PCCA: variants seen among roughly 807,000 people sequenced by gnomAD.
The protein encoded by PCCA is propionyl-CoA carboxylase subunit alpha.
PCCA carries 74 observed loss-of-function variants against 101.3 expected under a neutral mutation model. That is an observed-to-expected ratio of 0.73 (90% CI 0.61 to 0.89). PCCA has a LOEUF of 0.89. Ranked by LOEUF, PCCA falls within the 40% of genes least tolerant of loss-of-function variation. The probability of loss-of-function intolerance (pLI) is 0.00; values close to 1 mark genes in which losing one functional copy is unlikely to be tolerated. For synonymous variants in PCCA, 294 were observed against 313.6 expected, an observed-to-expected ratio of 0.94 and a Z score of 0.66; for missense variants, 891 against 907.0, an observed-to-expected ratio of 0.98 and a Z score of 0.23.
At chr13:100,492,037 A>G (rs577931403) in intron 21 of PCCA, among the ~76,000 whole-genome samples, 4 of 152,234 alleles carry the variant, frequency 2.6e-5, no homozygotes, top group Admixed American at 2.0e-4. Flanking sequence ...GAAAAGGTTC[A>G]TCTACTTGGA....
chr13:100,243,542 G>A (rs1181298192), intron 8 of PCCA, among the ~76,000 whole-genome samples: 1 of 152,150 alleles, frequency 6.6e-6, no homozygotes, highest in Non-Finnish European at 1.5e-5. Flanking sequence ...AATAAATTCA[G>A]TATATACTTG....
At chr13:100,348,779 T>TTCCTTCCTTC (rs2072755235) in intron 18 of PCCA, among the ~76,000 whole-genome samples, 246 of 76,014 alleles carry the variant, frequency 3.2e-3, no homozygotes, top group Non-Finnish European at 4.8e-3. Flanking sequence ...TTTCTTTCTT[T>TTCCTTCCTTC]CTTTCTTTCT....
intron 4 of PCCA, among the ~76,000 whole-genome samples, chr13:100,128,088 T>G (rs759797948): frequency 2.6e-5 from 4 of 152,168 alleles, no homozygotes; most frequent in Non-Finnish European, 5.9e-5. Flanking sequence ...AGCACATAAT[T>G]ACATAAGGAT....
chr13:100,112,341 T>C (rs755092828), intron 4 of PCCA, among the ~76,000 whole-genome samples: 2 of 152,106 alleles, frequency 1.3e-5, no homozygotes, highest in Non-Finnish European at 2.9e-5. Flanking sequence ...AAAATTTGAG[T>C]CAAAGATTAA....
At chr13:100,251,260 T>C (rs113592875) in intron 8 of PCCA, among the ~76,000 whole-genome samples, 3,720 of 152,322 alleles carry the variant, frequency 0.024, 170 homozygotes, top group African/African-American at 0.085. Flanking sequence ...GAAGCTCATA[T>C]ACAAAGTTCC....
At chr13:100,328,404 A>AGTG (rs1555421520) in intron 16 of PCCA, among the ~76,000 whole-genome samples, 3 of 144,788 alleles carry the variant, frequency 2.1e-5, no homozygotes, top group Non-Finnish European at 4.5e-5. Context: ...TAATAATAAT[A>AGTG]ATGATGATAA....
chr13:100,440,719 A>C (rs2080309238), intron 20 of PCCA, among the ~76,000 whole-genome samples: 1 of 151,698 alleles, frequency 6.6e-6, no homozygotes, highest in Admixed American at 6.6e-5. Flanking sequence ...TGTACTTTAC[A>C]CATGTGATTT....
intron 21 of PCCA, among the ~76,000 whole-genome samples, chr13:100,495,072 T>C (rs2085180801): frequency 1.3e-5 from 2 of 151,888 alleles, no homozygotes; most frequent in African/African-American, 4.8e-5. Context: ...TTCGGCAATG[T>C]CTGGAGACAT....
Position 100,102,874 on chromosome 13 carries a change from T to G in PCCA, c.106-9T>G, listed in dbSNP as rs776735922. ...ATTTGCAATTTATTTTGCTTTCCTT[T>G]TTTTGTAGCATGTTCTGTACTATTC... On this transcript the variant is annotated splice_polypyrimidine_tract_variant and intron_variant, in intron 1 of 23. Transcript: ENST00000376285. 3.7e-6 allele frequency: 6 copies of G among 1,605,790 alleles called. No individual in the cohort carries two copies. The South Asian group carries it at 6.6e-5, about 18-fold the overall frequency.
chr13:100,123,930 T>C lies in PCCA; in HGVS notation c.300+11869T>C, dbSNP rs184157123. Among the ~76,000 whole-genome samples the C allele has an allele frequency of 4.8e-3, 730 of 152,234 alleles. 6 individuals carry two copies. The highest frequency in any genetic ancestry group is 8.0e-3 in the Non-Finnish European group (546 of 68,018). On this transcript the variant is annotated intron_variant, in intron 4 of 23. Transcript: ENST00000376285. ...GGTATCTCAGAGAAGATAAGAAATATAAGGAATGAGAAATGTTTAATGGCT... is the reference window on the plus strand; with the variant it reads ...GGTATCTCAGAGAAGATAAGAAATACAAGGAATGAGAAATGTTTAATGGCT...
chr13:100,520,562 A>G (rs376518535), intron 22 of PCCA, among the ~76,000 whole-genome samples: 5,041 of 148,332 alleles, frequency 0.034, 106 homozygotes, highest in Middle Eastern at 0.056. Flanking sequence ...GTGAACCCGG[A>G]AGGCGGAGCT....
intron 8 of PCCA, among the ~76,000 whole-genome samples, chr13:100,256,724 A>T (rs2062097664): frequency 6.6e-6 from 1 of 152,130 alleles, no homozygotes; most frequent in Non-Finnish European, 1.5e-5. Context: ...AGGATCCTGT[A>T]AGGGCTCACT....
chr13:100,205,189 A>G (rs1324747298), intron 6 of PCCA, among the ~76,000 whole-genome samples: 3 of 152,216 alleles, frequency 2.0e-5, no homozygotes, highest in Non-Finnish European at 1.5e-5. Context: ...ACAGAAGAGT[A>G]TCGAAGGTTA....
intron 2 of PCCA, among the ~76,000 whole-genome samples, chr13:100,109,789 A>G (rs749680412): frequency 2.0e-5 from 3 of 152,202 alleles, no homozygotes; most frequent in Non-Finnish European, 4.4e-5. Flanking sequence ...ACCAAGACCT[A>G]GCAAGCTTTT....
intron 22 of PCCA, chr13:100,527,320 G>A: frequency 2.1e-6 from 1 of 477,940 alleles, no homozygotes; most frequent in Non-Finnish European, 4.3e-6. Flanking sequence ...TGTCTGTAGA[G>A]ATCTGCCTAT....
At chr13:100,328,374 A>T (rs750572213) in intron 16 of PCCA, among the ~76,000 whole-genome samples, 3 of 13,300 alleles carry the variant, frequency 2.3e-4, no homozygotes, top group African/African-American at 7.6e-4. Flanking sequence ...AAAAATATAT[A>T]ATAATAATAA....
intron 20 of PCCA, among the ~76,000 whole-genome samples, chr13:100,436,032 A>G (rs543100633): frequency 8.1e-5 from 12 of 148,822 alleles, no homozygotes; most frequent in African/African-American, 2.4e-4. Flanking sequence ...AACAAGAGCG[A>G]AACTCTGTCT....
At chr13:100,410,083 T>C (rs1244662834) in intron 19 of PCCA, among the ~76,000 whole-genome samples, 1 of 151,976 alleles carries the variant, frequency 6.6e-6, no homozygotes, top group East Asian at 2.0e-4. Context: ...TGTGATATGA[T>C]TCAACAAACC....
At chr13:100,503,492 C>G (rs188676806) in intron 21 of PCCA, among the ~76,000 whole-genome samples, 98 of 151,888 alleles carry the variant, frequency 6.5e-4, no homozygotes, top group Middle Eastern at 3.4e-3. Flanking sequence ...CTCCATCCCC[C>G]CCCAAAAAAG....
Sources: allele counts gnomAD v4.1 joint callset (sites outside exome capture counted in the v4.1 genomes callset), GRCh38; gene constraint gnomAD v4.1.1; transcripts MANE v1.5; gene names NCBI Gene and HGNC (gene_info 2026-07-23, HGNC 2026-07-21).